STON2: variants seen among roughly 807,000 people sequenced by gnomAD.
The protein encoded by STON2 is stonin-2.
Under a neutral mutation model 65.7 loss-of-function variants are expected in STON2, and 29 were observed. The observed-to-expected ratio is 0.44, with a 90% CI of 0.33 to 0.60. The LOEUF is 0.60. Ranked by LOEUF, STON2 falls within the 20% of genes least tolerant of loss-of-function variation. The pLI, the probability that STON2 is intolerant of heterozygous loss-of-function variation, is 0.03. For synonymous variants in STON2, 404 were observed against 414.2 expected (o/e 0.98, Z 0.30); for missense variants, 1,054 against 1,118.1 (o/e 0.94, Z 0.82).
At chr14:81,304,786 C>G (rs1896109345) in intron 5 of STON2, among the ~76,000 whole-genome samples, 1 of 152,182 alleles carries the variant, frequency 6.6e-6, no homozygotes, top group African/African-American at 2.4e-5. Context: ...GGCATTGTTA[C>G]TTTAGCCTTT....
chr14:81,414,062 G>A (rs1308593768), intron 2 of STON2, among the ~76,000 whole-genome samples: 1 of 139,446 alleles, frequency 7.2e-6, no homozygotes, highest in Non-Finnish European at 1.5e-5. Context: ...TTTAGAGGCA[G>A]GGTCATCAGG....
chr14:81,367,372 T>A (rs1898785482), intron 4 of STON2, among the ~76,000 whole-genome samples: 1 of 152,114 alleles, frequency 6.6e-6, no homozygotes, highest in Non-Finnish European at 1.5e-5. Flanking sequence ...AGACGGGGTT[T>A]CACCATGTTG....
At chr14:81,288,400 G>A (rs922682693) in intron 5 of STON2, among the ~76,000 whole-genome samples, 6 of 152,178 alleles carry the variant, frequency 3.9e-5, no homozygotes, top group Non-Finnish European at 8.8e-5. Context: ...ACTATACTCC[G>A]AGGCTGCATG....
chr14:81,406,905 C>G (rs1900894254), intron 2 of STON2, among the ~76,000 whole-genome samples: 1 of 152,230 alleles, frequency 6.6e-6, no homozygotes, highest in Non-Finnish European at 1.5e-5. Context: ...CTCCCCAACT[C>G]TCTGCTCTCT....
In STON2 at chr14:81,268,208, A is replaced by ATT. The variant is rs1030604062; in HGVS notation, c.*205_*206insAA. On this transcript the variant is annotated 3_prime_UTR_variant, in exon 8 of 8. Coordinates refer to ENST00000614646, the MANE Select transcript of STON2 (RefSeq NM_001394390.1). ...GCTTTAGGCATGACCAGAATCAAAGAGCCTCTCCAAAAGCCACCATTCTCA... is the reference window on the plus strand; with the variant it reads ...GCTTTAGGCATGACCAGAATCAAAGATTGCCTCTCCAAAAGCCACCATTCTCA... The ATT allele has an allele frequency of 8.7e-7, 1 of 1,145,762 alleles. No homozygotes were observed. The highest frequency in any genetic ancestry group is 1.1e-6 in the Non-Finnish European group (1 of 921,460). 71.0% of individuals were successfully genotyped at this position (1,145,762 alleles called of 1,614,324 possible).
chr14:81,365,075 A>G (rs926131505), intron 4 of STON2, among the ~76,000 whole-genome samples: 6 of 152,190 alleles, frequency 3.9e-5, no homozygotes, highest in Non-Finnish European at 8.8e-5. Context: ...TTCTGGGTTG[A>G]ATAAAGGTTG....
rs931880310 is a variant in STON2 at position 81,265,118 on chromosome 14, G to C, written c.*3296C>G. The C allele has an allele frequency of 1.0e-6, 1 of 984,440 alleles. No homozygotes were observed. The highest frequency in any genetic ancestry group is 1.2e-6 in the Non-Finnish European group (1 of 829,800). The allele number at this position is 984,440 out of a possible 1,614,324, so 61.0% of individuals were successfully genotyped here. ...AAAGTCCAGGTCCAGGGTTGCAAAA[G>C]TAGAATCTGCATATCCACAGGTAAT... On this transcript the variant is annotated 3_prime_UTR_variant, in exon 8 of 8. Transcript: ENST00000614646.
intron 5 of STON2, among the ~76,000 whole-genome samples, chr14:81,312,583 C>T (rs1896466614): frequency 6.6e-6 from 1 of 152,178 alleles, no homozygotes; most frequent in East Asian, 1.9e-4. Context: ...TCTTCTGTAC[C>T]TAGCAGATGA....
At chr14:81,340,113 C>A (rs1897543825) in intron 4 of STON2, among the ~76,000 whole-genome samples, 1 of 152,188 alleles carries the variant, frequency 6.6e-6, no homozygotes, top group African/African-American at 2.4e-5. Context: ...CAGATCGCGC[C>A]ACCGCACTCC....
Position 81,268,425 on chromosome 14 carries a change from C to A in STON2, c.2857G>T (p.Gly953Ter). 2 of 1,289,598 alleles carry A rather than the reference C, an allele frequency of 1.6e-6. No homozygotes were observed. The highest frequency in any genetic ancestry group is 2.0e-6 in the Non-Finnish European group (2 of 988,708). The allele number at this position is 1,289,598 out of a possible 1,614,324, so 79.9% of individuals were successfully genotyped here. The change falls in exon 8 of 8, where the codon GGA becomes TGA. Residue 953 changes from glycine to a stop codon, truncating the protein, a stop_gained. Coordinates refer to ENST00000614646, the MANE Select transcript of STON2 (RefSeq NM_001394390.1). LOFTEE classifies it high-confidence loss of function. ...GCCGCAAGGCTTTGTCACTGCACTC[C>A]ACACTCCTTGGGATTTTCCATTTCA... is the stretch of plus-strand genomic sequence containing the variant. ...GDEMENPKEC[G>*]VQ
intron 4 of STON2, among the ~76,000 whole-genome samples, chr14:81,358,343 ATCTGATGTATAAGATGT>A (rs1198059077): frequency 6.6e-6 from 1 of 152,188 alleles, no homozygotes; most frequent in African/African-American, 2.4e-5. Flanking sequence ...GAAATAGGCG[ATCTGATGTATAAGATGT>A]TCTACGTAAG....
chr14:81,350,091 T>C (rs146093911), intron 4 of STON2, among the ~76,000 whole-genome samples: 2 of 151,756 alleles, frequency 1.3e-5, no homozygotes, highest in Non-Finnish European at 2.9e-5. Context: ...TGCAGAGAGG[T>C]TGGTTAATGG....
chr14:81,331,847 G>A (rs1279876164), intron 4 of STON2, among the ~76,000 whole-genome samples: 3 of 152,208 alleles, frequency 2.0e-5, no homozygotes, highest in African/African-American at 7.2e-5. Context: ...GGAAGGGCCA[G>A]AGGAAGCCCT....
intron 5 of STON2, among the ~76,000 whole-genome samples, chr14:81,279,421 T>C (rs897763697): frequency 4.6e-5 from 7 of 152,166 alleles, no homozygotes; most frequent in Admixed American, 3.9e-4. Context: ...CCGGGCACAG[T>C]GGCTCATGCC....
At chr14:81,341,449 T>G (rs889236579) in intron 4 of STON2, among the ~76,000 whole-genome samples, 1 of 122,534 alleles carries the variant, frequency 8.2e-6, no homozygotes, top group African/African-American at 4.2e-5. Context: ...TATAAGTGTT[T>G]TTTTTTTGTT....
intron 2 of STON2, among the ~76,000 whole-genome samples, chr14:81,416,406 T>G (rs1901436679): frequency 6.6e-6 from 1 of 152,114 alleles, no homozygotes; most frequent in African/African-American, 2.4e-5. Context: ...AGTAGTGGTG[T>G]GAGCTTCAGC....
At chr14:81,338,693 T>C (rs531823288) in intron 4 of STON2, among the ~76,000 whole-genome samples, 16 of 152,172 alleles carry the variant, frequency 1.1e-4, no homozygotes, top group Non-Finnish European at 1.0e-4. Flanking sequence ...TGACACTATG[T>C]CCAGGTAGAT....
chr14:81,325,470 T>C (rs888658616), intron 4 of STON2, among the ~76,000 whole-genome samples: 2 of 152,056 alleles, frequency 1.3e-5, no homozygotes, highest in African/African-American at 4.8e-5. Flanking sequence ...TATAAAAAAT[T>C]CATTATAAAA....
intron 2 of STON2, among the ~76,000 whole-genome samples, chr14:81,416,775 A>G (rs904251316): frequency 3.3e-5 from 5 of 152,266 alleles, no homozygotes; most frequent in Non-Finnish European, 5.9e-5. Flanking sequence ...TAGGAAAACC[A>G]TATCGAAGGG....
Sources: allele counts gnomAD v4.1 joint callset (sites outside exome capture counted in the v4.1 genomes callset), GRCh38; gene constraint gnomAD v4.1.1; transcripts MANE v1.5; gene names NCBI Gene and HGNC (gene_info 2026-07-23, HGNC 2026-07-21).